Variants in FRYL observed in about 807,000 individuals in gnomAD.
The protein encoded by FRYL is protein furry homolog-like.
A neutral mutation model predicts 351.2 loss-of-function variants in FRYL; 150 were observed. The ratio of observed to expected loss-of-function variants is 0.43; its 90% CI spans 0.37 to 0.49. FRYL has a LOEUF of 0.49. FRYL is among the 20% of genes least tolerant of loss of function. The pLI, the probability that FRYL is intolerant of heterozygous loss-of-function variation, is 0.00. For synonymous variants in FRYL, 1,153 were observed against 1,257.1 expected (o/e 0.92, Z 1.75); for missense variants, 3,036 against 3,619.3 (o/e 0.84, Z 4.13).
At chr4:48,500,996 G>C (rs542670275) in intron 62 of FRYL, among the ~76,000 whole-genome samples, 13 of 148,938 alleles carry the variant, frequency 8.7e-5, no homozygotes, top group Non-Finnish European at 1.3e-4. Context: ...TGAGGCAGGA[G>C]AACTGCTTGA....
At chr4:48,500,332 T>C (rs774664519) in intron 62 of FRYL, 112 bp from the exon 63 acceptor site, 26 of 595,778 alleles carry the variant, frequency 4.4e-5, no homozygotes, top group Non-Finnish European at 6.2e-5. Context: ...AAAGATTATT[T>C]TAAAATGTTT....
chr4:48,650,604 A>T (rs539511205), intron 3 of FRYL, among the ~76,000 whole-genome samples: 1 of 152,210 alleles, frequency 6.6e-6, no homozygotes, highest in Non-Finnish European at 1.5e-5. Flanking sequence ...GCAAATATGA[A>T]GGCACAGAAT....
Position 48,528,163 on chromosome 4 carries a change from T to C in FRYL, c.7065+12A>G. On this transcript the variant is annotated intron_variant, in intron 51 of 63. Coordinates refer to ENST00000358350, the MANE Select transcript of FRYL (RefSeq NM_015030.2). ...GTTCTATGAATGTTCCATTTTGATATTCTTTATGTACCTGTGATAACTGTG... is the reference window on the plus strand; with the variant it reads ...GTTCTATGAATGTTCCATTTTGATACTCTTTATGTACCTGTGATAACTGTG... The C allele has an allele frequency of 6.2e-7, 1 of 1,608,590 alleles. No individual in the cohort carries two copies. Among genetic ancestry groups the C allele is most frequent in the Non-Finnish European group, 8.5e-7 (1 of 1,176,620 alleles).
intron 35 of FRYL, among the ~76,000 whole-genome samples, chr4:48,555,086 T>A (rs1393711521): frequency 6.6e-6 from 1 of 152,210 alleles, no homozygotes; most frequent in Non-Finnish European, 1.5e-5. Context: ...GCACCCATAA[T>A]AAGTGCTTAA....
intron 21 of FRYL, 67 bp from the exon 22 acceptor site, chr4:48,581,018 A>T: frequency 1.4e-5 from 13 of 949,448 alleles, no homozygotes; most frequent in Non-Finnish European, 2.0e-5. Context: ...AAACCCAAGT[A>T]AACACTAAAA....
At chr4:48,735,835 G>T (rs1481238294) in intron 1 of FRYL, among the ~76,000 whole-genome samples, 1 of 96,382 alleles carries the variant, frequency 1.0e-5, no homozygotes, top group Non-Finnish European at 2.0e-5. Context: ...GTCGGGGGAG[G>T]GGGGAGGGAT....
chr4:48,512,406 G>A (rs1722672322), intron 57 of FRYL, 75 bp downstream of exon 57: 3 of 1,199,622 alleles, frequency 2.5e-6, no homozygotes, highest in African/African-American at 1.5e-5. Flanking sequence ...AATCGGAGAT[G>A]CTGATTTTAG....
intron 3 of FRYL, among the ~76,000 whole-genome samples, chr4:48,661,068 A>T (rs1421571650): frequency 1.3e-5 from 2 of 152,218 alleles, no homozygotes; most frequent in South Asian, 2.1e-4. Flanking sequence ...ACATTGGTTT[A>T]TTAGCTGTAA....
At chr4:48,558,949 T>TTG (rs1734772906) in intron 33 of FRYL, among the ~76,000 whole-genome samples, 1 of 152,194 alleles carries the variant, frequency 6.6e-6, no homozygotes, top group South Asian at 2.1e-4. Context: ...CTGTACTTAC[T>TTG]TACTCATTAA....
chr4:48,674,913 C>G (rs1403409397), intron 3 of FRYL, among the ~76,000 whole-genome samples: 6 of 151,998 alleles, frequency 3.9e-5, no homozygotes, highest in Non-Finnish European at 8.8e-5. Flanking sequence ...ATATAAAATT[C>G]ATGTTTATTC....
intron 2 of FRYL, among the ~76,000 whole-genome samples, chr4:48,703,803 T>G (rs1212924913): frequency 6.6e-6 from 1 of 152,200 alleles, no homozygotes; most frequent in Non-Finnish European, 1.5e-5. Context: ...AGAGCTAGGA[T>G]TATACTATTT....
intron 7 of FRYL, among the ~76,000 whole-genome samples, chr4:48,613,864 G>A (rs1578355106): frequency 6.6e-6 from 1 of 150,988 alleles, no homozygotes; most frequent in Non-Finnish European, 1.5e-5. Flanking sequence ...GCTGAGGCAG[G>A]AGAATTGCTT....
chr4:48,623,703 G>T (rs1442321113), intron 4 of FRYL, among the ~76,000 whole-genome samples: 2 of 151,974 alleles, frequency 1.3e-5, no homozygotes, highest in Non-Finnish European at 2.9e-5. Flanking sequence ...AAACAAGGCG[G>T]TTGTCAAATA....
At chr4:48,555,562 C>T (rs1381432555) in intron 35 of FRYL, among the ~76,000 whole-genome samples, 1 of 152,104 alleles carries the variant, frequency 6.6e-6, no homozygotes, top group Non-Finnish European at 1.5e-5. Context: ...GAGTGAGTAA[C>T]GTGGCTAACT....
chr4:48,761,130 T>C (rs557284189), intron 1 of FRYL, among the ~76,000 whole-genome samples: 1 of 152,200 alleles, frequency 6.6e-6, no homozygotes, highest in South Asian at 2.1e-4. Context: ...TGTCTCCTTA[T>C]ATTTGAGATC....
intron 1 of FRYL, among the ~76,000 whole-genome samples, chr4:48,715,406 A>G (rs1768673662): frequency 6.6e-6 from 1 of 152,202 alleles, no homozygotes; most frequent in East Asian, 1.9e-4. Context: ...CCTCAAGGTG[A>G]CAAGCAAATT....
rs577798298 is a variant in FRYL, at chr4:48,611,861, C to T, written c.412-2038G>A. Reference sequence around the variant, plus strand: ...AAAATCTTCAAGATATCATTTTATACCTACTTGATGGGAAAAAGATTAAGT... The same window carrying T: ...AAAATCTTCAAGATATCATTTTATATCTACTTGATGGGAAAAAGATTAAGT... On this transcript the variant is annotated intron_variant, in intron 7 of 63. Transcript: ENST00000358350. Among the ~76,000 whole-genome samples, 129 of 152,084 alleles carry T rather than the reference C, an allele frequency of 8.5e-4. 1 individual carries two copies. Among genetic ancestry groups the T allele is most frequent in the African/African-American group, 3.0e-3 (123 of 41,484 alleles).
intron 3 of FRYL, among the ~76,000 whole-genome samples, chr4:48,648,373 A>G (rs1295681623): frequency 6.6e-6 from 1 of 152,150 alleles, no homozygotes; most frequent in East Asian, 1.9e-4. Context: ...TGCTCTCCAT[A>G]GCTCTCTGCT....
intron 4 of FRYL, among the ~76,000 whole-genome samples, chr4:48,633,791 T>TA (rs552301627): frequency 7.2e-5 from 11 of 152,186 alleles, no homozygotes; most frequent in Non-Finnish European, 1.6e-4. Flanking sequence ...AATAACTAAA[T>TA]AGTCTCCGCT....
Sources: allele counts gnomAD v4.1 joint callset (sites outside exome capture counted in the v4.1 genomes callset), GRCh38; gene constraint gnomAD v4.1.1; transcripts MANE v1.5; gene names NCBI Gene and HGNC (gene_info 2026-07-23, HGNC 2026-07-21).